CAP2: variants seen among roughly 807,000 people sequenced by gnomAD.
CAP2 encodes cyclase associated actin cytoskeleton regulatory protein 2.
CAP2 carries 24 observed loss-of-function variants against 57.7 expected under a neutral mutation model. The observed-to-expected ratio is 0.42, with a 90% CI of 0.30 to 0.58. The LOEUF (loss-of-function observed/expected upper bound fraction) is 0.58, where lower values mean the gene tolerates loss of function less well. CAP2 is among the 20% of genes least tolerant of loss of function. The probability of loss-of-function intolerance (pLI) is 0.22; values close to 1 mark genes in which losing one functional copy is unlikely to be tolerated. For synonymous variants in CAP2, 194 were observed against 207.2 expected (o/e 0.94, Z 0.55); for missense variants, 501 against 590.3 (o/e 0.85, Z 1.57).
chr6:17,466,369 T>C (rs892078960), intron 4 of CAP2, among the ~76,000 whole-genome samples: 1 of 152,182 alleles, frequency 6.6e-6, no homozygotes, highest in African/African-American at 2.4e-5. Context: ...TCCAATTCAG[T>C]AGGTCTTGGT....
At chr6:17,511,755 G>C (rs1762159050) in intron 6 of CAP2, among the ~76,000 whole-genome samples, 1 of 152,100 alleles carries the variant, frequency 6.6e-6, no homozygotes, top group African/African-American at 2.4e-5. Flanking sequence ...CGCCCGGCCT[G>C]GTTCTTTCAA....
At chr6:17,431,310 TA>T (rs917091720) in intron 3 of CAP2, among the ~76,000 whole-genome samples, 3 of 151,988 alleles carry the variant, frequency 2.0e-5, no homozygotes, top group African/African-American at 7.2e-5. Context: ...ACTAGAAGTT[TA>T]AAAAAAGATA....
intron 11 of CAP2, among the ~76,000 whole-genome samples, chr6:17,545,550 AT>A (rs894119416): frequency 3.3e-5 from 5 of 151,922 alleles, no homozygotes; most frequent in African/African-American, 1.2e-4. Flanking sequence ...CTGTGTAACC[AT>A]TTTTTTTGTA....
At chr6:17,472,025 G>C (rs1431145686) in intron 4 of CAP2, among the ~76,000 whole-genome samples, 1 of 152,054 alleles carries the variant, frequency 6.6e-6, no homozygotes, top group African/African-American at 2.4e-5. Context: ...ATATGCGTAA[G>C]TTTCTGCTCT....
At chr6:17,552,175 A>T (rs1763185585) in intron 12 of CAP2, among the ~76,000 whole-genome samples, 2 of 152,214 alleles carry the variant, frequency 1.3e-5, no homozygotes, top group Admixed American at 1.3e-4. Flanking sequence ...TCTGAGAAAC[A>T]CTAGCCTAAA....
chr6:17,393,764 G>A lies in CAP2; in HGVS notation c.-2+18G>A, dbSNP rs1228490016. Reference sequence around the variant, plus strand: ...CGAAGCAGGTAATCCTGCAGCGGTCGGGGCCCGGCGAGGCGGGGAGGGGTC... The same window carrying A: ...CGAAGCAGGTAATCCTGCAGCGGTCAGGGCCCGGCGAGGCGGGGAGGGGTC... On this transcript the variant is annotated intron_variant, in intron 1 of 12. Transcript: ENST00000229922. The A allele has an allele frequency of 6.6e-6, 1 of 151,574 alleles. No homozygotes were observed. Among genetic ancestry groups the A allele is most frequent in the African/African-American group, 2.4e-5 (1 of 41,378 alleles). 9.4% of individuals were successfully genotyped at this position (151,574 alleles called of 1,614,324 possible).
rs184139484 is a variant in CAP2, at chr6:17,527,823, G to A, written c.637-11446G>A. Among the ~76,000 whole-genome samples the A allele has an allele frequency of 2.2e-4, 33 of 152,104 alleles. 1 individual carries two copies. The highest frequency in any genetic ancestry group is 6.7e-4 in the African/African-American group (28 of 41,518). The stretch of plus-strand genomic sequence containing the variant: ...TTGGCCTGTTGGCCAGGCTGGTCTC[G>A]AACTCCTGACCTCAAGCGATCCACC... On this transcript the variant is annotated intron_variant, in intron 7 of 12. Coordinates refer to ENST00000229922, the MANE Select transcript of CAP2 (RefSeq NM_006366.3).
At chr6:17,416,732 A>G (rs1654846485) in intron 1 of CAP2, among the ~76,000 whole-genome samples, 2 of 152,240 alleles carry the variant, frequency 1.3e-5, no homozygotes, top group African/African-American at 4.8e-5. Flanking sequence ...GTTAGCACTT[A>G]TGACACAGAA....
chr6:17,512,325 G>A (rs1286026176), intron 6 of CAP2, among the ~76,000 whole-genome samples: 1 of 152,018 alleles, frequency 6.6e-6, no homozygotes, highest in African/African-American at 2.4e-5. Flanking sequence ...GAGCCCAGGA[G>A]GTTGAGGCTA....
At chr6:17,433,635 G>T (rs112972413) in intron 3 of CAP2, among the ~76,000 whole-genome samples, 2 of 152,198 alleles carry the variant, frequency 1.3e-5, no homozygotes, top group Admixed American at 1.3e-4. Context: ...TTGCACTGGC[G>T]TGGGCTCGGC....
At chr6:17,470,877 G>T (rs563565710) in intron 4 of CAP2, among the ~76,000 whole-genome samples, 3 of 152,294 alleles carry the variant, frequency 2.0e-5, no homozygotes, top group Non-Finnish European at 4.4e-5. Context: ...TTCTCTAGCT[G>T]TCCAGGGAAA....
intron 6 of CAP2, 113 bp downstream of exon 6, chr6:17,507,839 A>G: frequency 1.7e-6 from 1 of 603,376 alleles, no homozygotes. Flanking sequence ...ACACTAATGT[A>G]CTATAAACTT....
intron 2 of CAP2, among the ~76,000 whole-genome samples, chr6:17,425,837 G>A (rs896226981): frequency 1.3e-5 from 2 of 152,222 alleles, no homozygotes; most frequent in Non-Finnish European, 2.9e-5. Flanking sequence ...GCTCACGCCT[G>A]TAATCCCAGT....
chr6:17,401,630 T>C (rs1232175557), intron 1 of CAP2, among the ~76,000 whole-genome samples: 1 of 152,246 alleles, frequency 6.6e-6, no homozygotes, highest in Non-Finnish European at 1.5e-5. Context: ...GTAGGCTAAA[T>C]GCAGATAGTC....
At chr6:17,435,733 CAAAA>C (rs1215274639) in intron 3 of CAP2, among the ~76,000 whole-genome samples, 1 of 72,180 alleles carries the variant, frequency 1.4e-5, no homozygotes, top group African/African-American at 6.0e-5. Context: ...AAAAAAAAAA[CAAAA>C]AAAAAACAAT....
intron 4 of CAP2, among the ~76,000 whole-genome samples, chr6:17,502,995 G>A (rs934298837): frequency 3.9e-5 from 6 of 152,176 alleles, no homozygotes; most frequent in Non-Finnish European, 7.3e-5. Context: ...GAAGCTCCAG[G>A]GAGGGTATTT....
chr6:17,399,608 A>T (rs1758758258), intron 1 of CAP2, among the ~76,000 whole-genome samples: 2 of 152,162 alleles, frequency 1.3e-5, no homozygotes, highest in South Asian at 4.1e-4. Flanking sequence ...GGCATCTAAT[A>T]ATCCTGGCTT....
chr6:17,517,198 A>G (rs1345484003), intron 7 of CAP2, among the ~76,000 whole-genome samples: 1 of 152,240 alleles, frequency 6.6e-6, no homozygotes, highest in Non-Finnish European at 1.5e-5. Context: ...CCTTGGCTCT[A>G]TTATTATTTC....
At chr6:17,504,805 A>G (rs1321852974) in intron 4 of CAP2, among the ~76,000 whole-genome samples, 2 of 152,172 alleles carry the variant, frequency 1.3e-5, no homozygotes, top group Non-Finnish European at 2.9e-5. Flanking sequence ...ATGCCCTCTG[A>G]TATTTTCTAT....
Sources: allele counts gnomAD v4.1 joint callset (sites outside exome capture counted in the v4.1 genomes callset), GRCh38; gene constraint gnomAD v4.1.1; transcripts MANE v1.5; gene names NCBI Gene and HGNC (gene_info 2026-07-23, HGNC 2026-07-21).